Variants in NEK11 observed in about 807,000 individuals in gnomAD.
The protein encoded by NEK11 is NIMA related kinase 11.
In NEK11, 72 loss-of-function variants were observed where a neutral mutation model predicts 80.7. The ratio of observed to expected loss-of-function variants is 0.89; its 90% CI spans 0.74 to 1.08. The LOEUF (loss-of-function observed/expected upper bound fraction) is 1.08, where lower values mean the gene tolerates loss of function less well. NEK11 is among the 50% of genes least tolerant of loss of function. NEK11 has a pLI of 0.00. For synonymous variants in NEK11, 251 were observed against 260.7 expected, an observed-to-expected ratio of 0.96 and a Z score of 0.36; for missense variants, 764 against 763.6, an observed-to-expected ratio of 1.00 and a Z score of -0.01.
At chr3:131,080,879 G>T (rs1180445612) in intron 4 of NEK11, among the ~76,000 whole-genome samples, 1 of 152,184 alleles carries the variant, frequency 6.6e-6, no homozygotes, top group Admixed American at 6.5e-5. Flanking sequence ...GGAGGTTGAA[G>T]TGAGAGGATT....
At chr3:131,296,595 G>A (rs1003497139) in intron 17 of NEK11, among the ~76,000 whole-genome samples, 1 of 151,916 alleles carries the variant, frequency 6.6e-6, no homozygotes, top group African/African-American at 2.4e-5. Flanking sequence ...AGGTTGGTGG[G>A]ATTTTCTTTT....
At chr3:131,274,629 T>C (rs2096261617) in intron 17 of NEK11, among the ~76,000 whole-genome samples, 1 of 137,646 alleles carries the variant, frequency 7.3e-6, no homozygotes, top group South Asian at 2.3e-4. Flanking sequence ...TGTTGTTTCC[T>C]GACTTTTTTT....
chr3:131,044,630 T>TA (rs1187038233), intron 3 of NEK11, among the ~76,000 whole-genome samples: 2 of 151,966 alleles, frequency 1.3e-5, no homozygotes, highest in Non-Finnish European at 2.9e-5. Context: ...AGCAAGTTCT[T>TA]AGAGACCTAC....
intron 14 of NEK11, among the ~76,000 whole-genome samples, chr3:131,198,996 T>G (rs1466512266): frequency 1.3e-5 from 2 of 152,210 alleles, no homozygotes; most frequent in African/African-American, 4.8e-5. Context: ...CGTTCCTCAC[T>G]GAGTGCCCTG....
chr3:131,108,152 A>G (rs1209337280), intron 4 of NEK11, among the ~76,000 whole-genome samples: 6 of 152,146 alleles, frequency 3.9e-5, no homozygotes, highest in South Asian at 4.1e-4. Context: ...TTGATTTGTT[A>G]CGGCCCTGTG....
rs1195466888 is a variant in NEK11 at position 131,029,827 on chromosome 3, T to C, written c.119T>C (p.Phe40Ser). The C allele has an allele frequency of 6.2e-7, 1 of 1,614,228 alleles. No homozygotes were observed. Among genetic ancestry groups the C allele is most frequent in the Admixed American group, 1.7e-5 (1 of 60,034 alleles). Residue 40 changes from phenylalanine to serine, a missense_variant, in exon 3 of 18, where the codon TTT (phenylalanine) becomes TCT (serine). Transcript: ENST00000383366. ...CAACAAAAACTTGGCAGTGGAAGTT[T>C]TGGAACTGTCTATCTGGTTTCAGAC... ...VLQQKLGSGSFGTVYLVSDKK... is the reference protein window; with the variant it reads ...VLQQKLGSGSSGTVYLVSDKK...
intron 17 of NEK11, among the ~76,000 whole-genome samples, chr3:131,299,668 G>A (rs2096639565): frequency 2.0e-5 from 3 of 152,128 alleles, no homozygotes; most frequent in Non-Finnish European, 4.4e-5. Flanking sequence ...TAGGATAATG[G>A]CCTCCAGCTC....
At chr3:131,133,052 T>C (rs2084816880) in intron 6 of NEK11, among the ~76,000 whole-genome samples, 1 of 152,138 alleles carries the variant, frequency 6.6e-6, no homozygotes, top group Admixed American at 6.5e-5. Flanking sequence ...GGTGTACAAA[T>C]TTACCACATA....
rs1560087254 is a variant in NEK11, at chr3:131,029,793, T to TA, written c.86dup (p.Tyr29Ter). Residue 29 changes from tyrosine to a stop codon, truncating the protein, a stop_gained and frameshift_variant, in exon 3 of 18, where the codon TAC (tyrosine) becomes TAAC (stop). Transcript: ENST00000383366. LOFTEE classifies it high-confidence loss of function. ...TCCAAAGACCTTGATTGCAAGAAGA[T>TA]ACGTGCTTCAACAAAAACTTGGCAG... is the stretch of plus-strand genomic sequence containing the variant. ...TYPKTLIARRYVLQQKLGSGS... is the reference protein window; with the variant it reads ...TYPKTLIARR The TA allele has an allele frequency of 6.2e-7, 1 of 1,614,220 alleles. No homozygotes were observed.
rs550774687 is a variant in NEK11, at chr3:131,300,846, G to A, written c.1718+27272G>A. On this transcript the variant is annotated intron_variant, in intron 17 of 17. Transcript: ENST00000383366. ...TAACTTTGTTCTTTTGCTTAAGATT[G>A]CCTTGGCTATTAGGGCTCTATTTAA... Among the ~76,000 whole-genome samples, 11 of 152,200 alleles carry A rather than the reference G, an allele frequency of 7.2e-5. No individual in the cohort carries two copies. In the South Asian group the frequency reaches 2.3e-3, roughly 32 times the overall value.
At chr3:131,124,051 T>C (rs1431447329) in intron 5 of NEK11, among the ~76,000 whole-genome samples, 1 of 152,162 alleles carries the variant, frequency 6.6e-6, no homozygotes, top group Non-Finnish European at 1.5e-5. Flanking sequence ...TGTCCTCTTG[T>C]GGTTGCCAGA....
chr3:131,348,917 C>T (rs1396784596), intron 17 of NEK11, among the ~76,000 whole-genome samples: 2 of 151,970 alleles, frequency 1.3e-5, no homozygotes, highest in Non-Finnish European at 2.9e-5. Context: ...TGGCAAGTGG[C>T]AAACAAAACT....
At chr3:131,226,749 G>T (rs116188850) in intron 14 of NEK11, among the ~76,000 whole-genome samples, 1 of 151,896 alleles carries the variant, frequency 6.6e-6, no homozygotes, top group South Asian at 2.1e-4. Context: ...CTCGGTGAGG[G>T]TGCACTAAAA....
At chr3:131,129,053 T>TC (rs35284864) in intron 5 of NEK11, among the ~76,000 whole-genome samples, 2 of 7,176 alleles carry the variant, frequency 2.8e-4, no homozygotes, top group African/African-American at 5.0e-4. Flanking sequence ...GATAACAGTC[T>TC]TTTTTTTTTT....
chr3:131,086,875 G>A (rs1190945001), intron 4 of NEK11, among the ~76,000 whole-genome samples: 1 of 152,154 alleles, frequency 6.6e-6, no homozygotes, highest in East Asian at 1.9e-4. Context: ...TGGAAGACTA[G>A]ATAAGGTTTT....
intron 17 of NEK11, among the ~76,000 whole-genome samples, chr3:131,300,459 C>G (rs1354002140): frequency 6.6e-6 from 1 of 152,064 alleles, no homozygotes; most frequent in Non-Finnish European, 1.5e-5. Flanking sequence ...TTGCCAAGGC[C>G]TATGTGTAGA....
intron 14 of NEK11, among the ~76,000 whole-genome samples, chr3:131,184,156 G>T (rs1357816399): frequency 6.6e-6 from 1 of 152,050 alleles, no homozygotes; most frequent in Non-Finnish European, 1.5e-5. Flanking sequence ...CATTATATTG[G>T]CAATATTCAT....
At chr3:131,339,456 G>C (rs1417716538) in intron 17 of NEK11, among the ~76,000 whole-genome samples, 2 of 152,202 alleles carry the variant, frequency 1.3e-5, no homozygotes, top group African/African-American at 2.4e-5. Flanking sequence ...CCAGCACTTA[G>C]AGTGTCTAAC....
chr3:131,324,372 T>C (rs1280110790), intron 17 of NEK11, among the ~76,000 whole-genome samples: 1 of 152,216 alleles, frequency 6.6e-6, no homozygotes, highest in African/African-American at 2.4e-5. Flanking sequence ...CTAAGGAAGC[T>C]GAATAGTTTC....
Sources: allele counts gnomAD v4.1 joint callset (sites outside exome capture counted in the v4.1 genomes callset), GRCh38; gene constraint gnomAD v4.1.1; transcripts MANE v1.5; gene names NCBI Gene and HGNC (gene_info 2026-07-23, HGNC 2026-07-21).